The following PLCH1 variants were observed in gnomAD, a reference collection of about 807,000 sequenced individuals.
PLCH1 encodes the protein 1-phosphatidylinositol 4,5-bisphosphate phosphodiesterase eta-1.
A neutral mutation model predicts 126.7 loss-of-function variants in PLCH1; 60 were observed. The observed-to-expected ratio is 0.47, with a 90% confidence interval of 0.38 to 0.59. The LOEUF (loss-of-function observed/expected upper bound fraction) is 0.59. Ranked by LOEUF, PLCH1 falls within the 20% of genes least tolerant of loss-of-function variation. PLCH1 has a pLI of 0.00. For missense variants in PLCH1, 1,723 were observed against 2,040.0 expected (o/e 0.84, Z 2.99); for synonymous variants, 719 against 734.9 (o/e 0.98, Z 0.35).
intron 2 of PLCH1, among the ~76,000 whole-genome samples, chr3:155,681,309 T>C (rs1744514277): frequency 1.3e-5 from 2 of 152,244 alleles, no homozygotes; most frequent in Non-Finnish European, 2.9e-5. Flanking sequence ...TATGAAGCAC[T>C]TTACTATGTT....
At position 155,624,718 on chromosome 3, in the gene PLCH1, A is replaced by T. The variant is rs183752989; in HGVS notation, c.80-28340T>A. On this transcript the variant is annotated intron_variant, in intron 2 of 22. Coordinates refer to ENST00000460012, the MANE Select transcript of PLCH1 (RefSeq NM_014996.4). ...AAGGACCTCTTCAAGGAGAACTACA[A>T]ACCACCGCTCAAGGAAATAAGACAG... Among the ~76,000 whole-genome samples, 25 of 152,326 alleles carry T rather than the reference A, an allele frequency of 1.6e-4. 1 individual carries two copies. The highest frequency in any genetic ancestry group is 1.5e-5 in the Non-Finnish European group (1 of 68,022).
chr3:155,556,368 C>G (rs148236531), intron 8 of PLCH1, among the ~76,000 whole-genome samples: 5 of 152,194 alleles, frequency 3.3e-5, no homozygotes, highest in Admixed American at 6.5e-5. Flanking sequence ...ATAAAAGAAA[C>G]TCTGCCTTTA....
chr3:155,487,151 G>A (rs1320726802), intron 21 of PLCH1: 1 of 152,086 alleles, frequency 6.6e-6, no homozygotes, highest in African/African-American at 2.4e-5. Context: ...TTATTAGTTA[G>A]GTTGTAGTCA....
intron 2 of PLCH1, among the ~76,000 whole-genome samples, chr3:155,646,897 T>C (rs1413191882): frequency 1.3e-5 from 2 of 152,218 alleles, no homozygotes; most frequent in African/African-American, 4.8e-5. Flanking sequence ...TTACAATACA[T>C]ACCTGTGGTT....
chr3:155,645,965 G>T (rs1012558658), intron 2 of PLCH1, among the ~76,000 whole-genome samples: 1 of 152,180 alleles, frequency 6.6e-6, no homozygotes, highest in South Asian at 2.1e-4. Flanking sequence ...GATCTGGGGG[G>T]AAAGGTGCTA....
rs143995372 is a variant in PLCH1, at chr3:155,741,562, C to T, written c.-41+3278G>A. ...ACATTATGCCAGGATTTTGTCATGG[C>T]TGTAATGGATTTCAAGAGTTTAAAT... is the stretch of plus-strand genomic sequence containing the variant. On this transcript the variant is annotated intron_variant, in intron 1 of 22. Coordinates refer to ENST00000460012, the MANE Select transcript of PLCH1 (RefSeq NM_014996.4). 3.9e-3 allele frequency among the ~76,000 whole-genome samples: 594 copies of T among 152,108 alleles called. 4 individuals carry two copies. The highest frequency in any genetic ancestry group is 0.013 in the African/African-American group (550 of 41,460).
intron 2 of PLCH1, among the ~76,000 whole-genome samples, chr3:155,661,321 C>A (rs1165728332): frequency 6.6e-6 from 1 of 152,048 alleles, no homozygotes; most frequent in Non-Finnish European, 1.5e-5. Flanking sequence ...ACAGAGCAAC[C>A]CTAGCTGGAG....
intron 21 of PLCH1, among the ~76,000 whole-genome samples, chr3:155,469,134 C>T (rs566250556): frequency 2.7e-4 from 41 of 152,218 alleles, no homozygotes; most frequent in East Asian, 5.8e-4. Context: ...ACGCAGAAGA[C>T]GGGTGATTTC....
At chr3:155,513,738 C>G (rs1203266992) in intron 12 of PLCH1, among the ~76,000 whole-genome samples, 1 of 152,090 alleles carries the variant, frequency 6.6e-6, no homozygotes, top group Admixed American at 6.5e-5. Context: ...TCCATCTGCC[C>G]CTCTAACATG....
In PLCH1 at chr3:155,537,202, C is replaced by CAAAAAAAAA. The variant is rs535908017; in HGVS notation, c.1362+12576_1362+12584dup. Among the ~76,000 whole-genome samples the CAAAAAAAAA allele has an allele frequency of 4.0e-3, 42 of 10,386 alleles. 1 individual carries two copies. Among genetic ancestry groups the CAAAAAAAAA allele is most frequent in the South Asian group, 4.9e-3 (2 of 406 alleles). 6.8% of individuals were successfully genotyped at this position (10,386 alleles called of 152,430 possible). On this transcript the variant is annotated intron_variant, in intron 10 of 22. Transcript: ENST00000460012. ...CTAGCACTACAAAAAAAAAAAAAACCAAAAAAAAAAAAAAAAAAAAAAAAA... is the reference window on the plus strand; with the variant it reads ...CTAGCACTACAAAAAAAAAAAAAACCAAAAAAAAAAAAAAAAAAAAAAAAAAAAAAAAAA...
At chr3:155,649,460 C>G (rs112637784) in intron 2 of PLCH1, among the ~76,000 whole-genome samples, 1 of 152,262 alleles carries the variant, frequency 6.6e-6, no homozygotes, top group African/African-American at 2.4e-5. Flanking sequence ...TGTGCACACC[C>G]CAAGTAGCAC....
chr3:155,619,590 T>C (rs536650314), intron 2 of PLCH1, among the ~76,000 whole-genome samples: 6 of 151,848 alleles, frequency 4.0e-5, no homozygotes, highest in Admixed American at 3.9e-4. Context: ...CCTGTTGCTT[T>C]AAGGCTTTCT....
At chr3:155,690,943 C>T (rs988233329) in intron 2 of PLCH1, among the ~76,000 whole-genome samples, 6 of 152,250 alleles carry the variant, frequency 3.9e-5, no homozygotes, top group East Asian at 3.9e-4. Flanking sequence ...CCAGTGGACA[C>T]CAACTCTTAG....
chr3:155,670,163 A>G (rs2108979226), intron 2 of PLCH1, among the ~76,000 whole-genome samples: 1 of 152,346 alleles, frequency 6.6e-6, no homozygotes, highest in Non-Finnish European at 1.5e-5. Context: ...AAAGATTATC[A>G]AGGGCAAATG....
At chr3:155,532,114 T>C (rs944034402) in intron 10 of PLCH1, among the ~76,000 whole-genome samples, 2 of 152,220 alleles carry the variant, frequency 1.3e-5, no homozygotes, top group African/African-American at 4.8e-5. Context: ...CTAAGCTTAA[T>C]CATTTGTAGT....
downstream of PLCH1, among the ~76,000 whole-genome samples, chr3:155,475,267 A>G (rs1441441790): frequency 1.3e-5 from 2 of 152,030 alleles, no homozygotes; most frequent in African/African-American, 4.8e-5. Flanking sequence ...TACAGGATCT[A>G]GAAAACGATA....
intron 2 of PLCH1, among the ~76,000 whole-genome samples, chr3:155,686,803 T>G (rs1406281845): frequency 1.3e-5 from 2 of 152,206 alleles, no homozygotes; most frequent in Admixed American, 6.5e-5. Context: ...AATATTTTCT[T>G]GAGGTCCTTG....
rs554823485 is a variant in PLCH1, at chr3:155,464,503, A to T, written c.2938+20853T>A. On this transcript the variant is annotated intron_variant, in intron 21 of 21. Transcript: ENST00000494598. Reference sequence around the variant, plus strand: ...CTCTAGGAAAGGAGTCAAATGAGAAAACTTTGAAATTTTACAGGTTTGCTC... The same window carrying T: ...CTCTAGGAAAGGAGTCAAATGAGAATACTTTGAAATTTTACAGGTTTGCTC... 2.6e-5 allele frequency among the ~76,000 whole-genome samples: 4 copies of T among 152,218 alleles called. No individual in the cohort carries two copies. The East Asian group carries it at 7.7e-4, about 29-fold the overall frequency.
chr3:155,716,501 G>A (rs975177005), intron 1 of PLCH1, among the ~76,000 whole-genome samples: 5 of 152,156 alleles, frequency 3.3e-5, no homozygotes, highest in Non-Finnish European at 5.9e-5. Flanking sequence ...TCTGCTTCTG[G>A]GTAGGCCCCA....
Sources: allele counts gnomAD v4.1 joint callset (sites outside exome capture counted in the v4.1 genomes callset), GRCh38; gene constraint gnomAD v4.1.1; transcripts MANE v1.5; gene names NCBI Gene and HGNC (gene_info 2026-07-23, HGNC 2026-07-21).